PLEKHG1: variants seen among roughly 807,000 people sequenced by gnomAD.
PLEKHG1 encodes the protein pleckstrin homology domain-containing family G member 1.
PLEKHG1 carries 44 observed loss-of-function variants against 100.8 expected under a neutral mutation model. That is an observed-to-expected ratio of 0.44 (90% CI 0.34 to 0.56). PLEKHG1 has a LOEUF of 0.56. Among genes scored for constraint, PLEKHG1 ranks in the 20% least tolerant of loss-of-function variants. PLEKHG1 has a pLI of 0.01. For synonymous variants in PLEKHG1, 640 were observed against 662.5 expected, an observed-to-expected ratio of 0.97 and a Z score of 0.52; for missense variants, 1,545 against 1,720.9, an observed-to-expected ratio of 0.90 and a Z score of 1.81.
intron 1 of PLEKHG1, among the ~76,000 whole-genome samples, chr6:150,613,803 C>T (rs2128554329): frequency 6.6e-6 from 1 of 152,318 alleles, no homozygotes; most frequent in African/African-American, 2.4e-5. Context: ...CTCTAGTATC[C>T]TCCAGCACCA....
At chr6:150,793,487 G>A (rs552536073) in intron 4 of PLEKHG1, among the ~76,000 whole-genome samples, 3 of 152,252 alleles carry the variant, frequency 2.0e-5, no homozygotes, top group East Asian at 3.9e-4. Flanking sequence ...ATAGAAGGAG[G>A]TTCTTTTTTT....
At chr6:150,830,836 A>T (rs747419938) in exon 15 of PLEKHG1, 1 of 1,614,170 alleles carries the variant, frequency 6.2e-7, no homozygotes, top group Non-Finnish European at 8.5e-7. Flanking sequence ...ACTCTACCAG[A>T]CTATGTGAAG....
intron 14 of PLEKHG1, 85 bp from the exon 16 acceptor site, chr6:150,830,497 A>G: frequency 1.1e-6 from 1 of 920,714 alleles, no homozygotes; most frequent in East Asian, 2.4e-5. Flanking sequence ...TGGGGGAGGC[A>G]GTGTGTAAAC....
intron 3 of PLEKHG1, among the ~76,000 whole-genome samples, chr6:150,771,567 G>A (rs983632961): frequency 6.6e-6 from 1 of 151,548 alleles, no homozygotes; most frequent in African/African-American, 2.4e-5. Flanking sequence ...TTCTTTTGAG[G>A]CAGAGTTTCA....
chr6:150,672,538 T>C (rs950530500), intron 3 of PLEKHG1, among the ~76,000 whole-genome samples: 20 of 152,238 alleles, frequency 1.3e-4, no homozygotes, highest in African/African-American at 4.6e-4. Context: ...TTCTAAGTAT[T>C]AGCCTATATT....
chr6:150,832,061 A>G (rs1776972326), exon 15 of PLEKHG1: 1 of 1,614,224 alleles, frequency 6.2e-7, no homozygotes, highest in South Asian at 1.1e-5. Flanking sequence ...TCGGCAGTAC[A>G]GTCAGAAGAT....
chr6:150,805,145 GGC>G (rs1377111754), intron 7 of PLEKHG1, among the ~76,000 whole-genome samples: 2 of 151,948 alleles, frequency 1.3e-5, no homozygotes, highest in Non-Finnish European at 2.9e-5. Context: ...ATGTTGGTCA[GGC>G]TGGTCTCGAA....
intron 1 of PLEKHG1, among the ~76,000 whole-genome samples, chr6:150,627,885 T>A (rs1777570202): frequency 6.6e-6 from 1 of 152,164 alleles, no homozygotes; most frequent in South Asian, 2.1e-4. Context: ...ATTACATAGA[T>A]AATAATAAAC....
intron 3 of PLEKHG1, among the ~76,000 whole-genome samples, chr6:150,709,952 AT>A (rs71668966): frequency 0.17 from 26,413 of 151,700 alleles, 2,527 homozygotes; most frequent in Non-Finnish European, 0.22. Flanking sequence ...CACCCAGCTA[AT>A]TTTTTTTATT....
exon 16 of PLEKHG1, chr6:150,839,989 T>G (rs768473615): frequency 6.2e-7 from 1 of 1,614,156 alleles, no homozygotes; most frequent in Non-Finnish European, 8.5e-7. Flanking sequence ...GGAGACTGGC[T>G]TCTGCATTCA....
chr6:150,612,056 C>T (rs763721733), intron 1 of PLEKHG1, among the ~76,000 whole-genome samples: 1,556 of 107,930 alleles, frequency 0.014, 44 homozygotes, highest in Non-Finnish European at 0.023. Context: ...CCCCCCCCCC[C>T]CCCCTTTTCT....
chr6:150,816,856 A>G (rs1009828573), intron 10 of PLEKHG1, among the ~76,000 whole-genome samples: 16 of 152,114 alleles, frequency 1.1e-4, no homozygotes, highest in African/African-American at 3.9e-4. Context: ...GCTCCACTTC[A>G]GATCATCAGG....
intron 3 of PLEKHG1, among the ~76,000 whole-genome samples, chr6:150,653,000 A>T (rs1405472919): frequency 6.6e-6 from 1 of 152,226 alleles, no homozygotes; most frequent in Non-Finnish European, 1.5e-5. Flanking sequence ...GTGTTTTGCT[A>T]ACTGGTAAAA....
intron 3 of PLEKHG1, among the ~76,000 whole-genome samples, chr6:150,698,629 A>G (rs528058279): frequency 1.2e-4 from 19 of 152,314 alleles, no homozygotes; most frequent in African/African-American, 4.6e-4. Context: ...ACAAAACACA[A>G]GTACCTCCTG....
rs189869263 is a variant in PLEKHG1 at position 150,603,188 on chromosome 6, G to C, written c.-204+3171G>C. ...GCGAAATGTTGGTGTATTCAGGCAG[G>C]GATGGGAAGGAAAACATTTTTTAGA... On this transcript the variant is annotated intron_variant, in intron 1 of 3. Coordinates refer to the PLEKHG1 transcript ENST00000367326. Among the ~76,000 whole-genome samples the C allele has an allele frequency of 1.4e-4, 21 of 152,152 alleles. No homozygotes were observed. The East Asian group carries it at 4.1e-3, about 29-fold the overall frequency.
Position 150,831,742 on chromosome 6 carries a change from C to T in PLEKHG1, c.2631C>T (p.Thr877=), listed in dbSNP as rs780020110. 6 of 1,613,646 alleles carry T rather than the reference C, an allele frequency of 3.7e-6. No homozygotes were observed. The highest frequency in any genetic ancestry group is 5.1e-6 in the Non-Finnish European group (6 of 1,180,020). ...CAGACAGGCTGCACGCAGAGAGCAC[C>T]CCTGAGCTGAGCCGGGACGTGGGGC... The change falls in exon 15 of 16, where the codon ACC becomes ACT. Residue 877 remains threonine (T), a synonymous_variant. Coordinates refer to ENST00000358517, the Ensembl canonical transcript of PLEKHG1. The surrounding 1 kb of genome is among the most constrained non-coding windows in gnomAD (Gnocchi z 4.1).
intron 2 of PLEKHG1, among the ~76,000 whole-genome samples, chr6:150,764,117 C>A (rs201622790): frequency 2.1e-5 from 3 of 145,718 alleles, no homozygotes; most frequent in Non-Finnish European, 1.5e-5. Context: ...TTTTCTTTTT[C>A]TTTTTCTTTT....
intron 7 of PLEKHG1, among the ~76,000 whole-genome samples, chr6:150,807,296 C>G (rs1787180950): frequency 6.6e-6 from 1 of 152,084 alleles, no homozygotes; most frequent in African/African-American, 2.4e-5. Flanking sequence ...GGAACATATC[C>G]CCTGCAGATA....
intron 3 of PLEKHG1, among the ~76,000 whole-genome samples, chr6:150,700,690 C>T (rs773963325): frequency 3.3e-5 from 5 of 152,250 alleles, no homozygotes; most frequent in East Asian, 1.9e-4. Context: ...GGTTCAAATT[C>T]GGGGGCCTCT....
Sources: gnomAD v4.1 joint callset for allele counts (sites outside exome capture counted in the v4.1 genomes callset) on GRCh38, gnomAD v4.1.1 for gene constraint, Gnocchi (gnomAD v3.1) non-coding constraint, MANE v1.5 for transcripts, NCBI Gene and HGNC (gene_info 2026-07-23, HGNC 2026-07-21) for gene names.